The following ABCC8 variants were observed in gnomAD, a reference collection of about 807,000 sequenced individuals.
ABCC8 encodes ATP binding cassette subfamily C member 8.
In ABCC8, 137 loss-of-function variants were observed where a neutral mutation model predicts 188.0. The observed-to-expected ratio is 0.73, with a 90% CI of 0.63 to 0.84. The LOEUF (loss-of-function observed/expected upper bound fraction) is 0.84. Among genes scored for constraint, ABCC8 ranks in the 40% least tolerant of loss-of-function variants. The pLI, the probability that ABCC8 is intolerant of heterozygous loss-of-function variation, is 0.00. For synonymous variants in ABCC8, 797 were observed against 846.5 expected, an observed-to-expected ratio of 0.94 and a Z score of 1.01; for missense variants, 1,750 against 2,072.7, an observed-to-expected ratio of 0.84 and a Z score of 3.02.
At position 17,450,260 on chromosome 11, in the gene ABCC8, C is replaced by CTCTTTCTTTCTT. The variant is rs58452277; in HGVS notation, c.1177-1601_1177-1590dup. 7.4e-3 allele frequency among the ~76,000 whole-genome samples: 501 copies of CTCTTTCTTTCTT among 67,550 alleles called. 12 individuals carry two copies. The highest frequency in any genetic ancestry group is 0.035 in the East Asian group (116 of 3,342). The allele number at this position is 67,550 out of a possible 152,430, so 44.3% of individuals were successfully genotyped here. A position where few individuals can be genotyped will look rare whatever the true frequency, so the allele number is the denominator to read the frequency against. Reference sequence around the variant, plus strand: ...TTCTTTTCTTTTTCTTTCTTTCTTTCTCTTTCTTTCTTTCTTTCTTTCTTT... The same window carrying CTCTTTCTTTCTT: ...TTCTTTTCTTTTTCTTTCTTTCTTTCTCTTTCTTTCTTTCTTTCTTTCTTTCTTTCTTTCTTT... On this transcript the variant is annotated intron_variant, in intron 7 of 38. Coordinates refer to ENST00000389817, the MANE Select transcript of ABCC8 (RefSeq NM_000352.6).
rs141322087 is a variant in ABCC8 at position 17,404,552 on chromosome 11, C to T, written c.3517G>A (p.Val1173Met). ...FLVALLPLAI[V>M]CYFIQKYFRV... is the part of the protein sequence containing the mutation. ...AAGTACTTCTGGATGAAGTAGCACA[C>T]GATGGCCAGGGGCAAGAGGGCCACG... The change falls in exon 28 of 39, where the codon GTG (valine) becomes ATG (methionine). Residue 1173 changes from valine (V) to methionine (M), a missense_variant. Val to Met is a conservative substitution (Grantham distance 21). Coordinates refer to ENST00000389817, the MANE Select transcript of ABCC8 (RefSeq NM_000352.6). The surrounding 1 kb of genome is among the most constrained non-coding windows in gnomAD (Gnocchi z 4.7). 1.6e-5 allele frequency: 26 copies of T among 1,613,952 alleles called. No homozygotes were observed. Among genetic ancestry groups the T allele is most frequent in the East Asian group, 2.2e-5 (1 of 44,892 alleles).
chr11:17,435,830 A>C (rs1390082276), intron 10 of ABCC8: 1 of 1,255,344 alleles, frequency 8.0e-7, no homozygotes, highest in Admixed American at 1.7e-5. Context: ...ATGAGTGCAA[A>C]CTTAGCTGTG....
intron 26 of ABCC8, among the ~76,000 whole-genome samples, chr11:17,405,789 G>A (rs2073583): frequency 3.3e-5 from 5 of 152,114 alleles, no homozygotes; most frequent in Admixed American, 2.0e-4. Flanking sequence ...CCCATCTGAC[G>A]ACTGCCGCCT....
At position 17,460,433 on chromosome 11, in the gene ABCC8, G is replaced by A. The variant is rs767097593; in HGVS notation, c.1011+55C>T. Reference sequence around the variant, plus strand: ...CACACATTGGCCTGTTGCACTCTCAGAAACAACTGAAAACCATCTAGAGGG... The same window carrying A: ...CACACATTGGCCTGTTGCACTCTCAAAAACAACTGAAAACCATCTAGAGGG... On this transcript the variant is annotated intron_variant, in intron 6 of 38. Coordinates refer to ENST00000389817, the MANE Select transcript of ABCC8 (RefSeq NM_000352.6). The A allele has an allele frequency of 4.0e-5, 65 of 1,612,262 alleles. 1 individual carries two copies. Among genetic ancestry groups the A allele is most frequent in the Non-Finnish European group, 5.4e-5 (64 of 1,179,878 alleles).
chr11:17,412,017 G>A lies in ABCC8; in HGVS notation c.2556+649C>T, dbSNP rs4757516. 4.0e-5 allele frequency among the ~76,000 whole-genome samples: 6 copies of A among 151,066 alleles called. No homozygotes were observed. In the South Asian group the frequency reaches 1.0e-3, roughly 26 times the overall value. On this transcript the variant is annotated intron_variant, in intron 21 of 38. Coordinates refer to ENST00000389817, the MANE Select transcript of ABCC8 (RefSeq NM_000352.6). ...ACGCCATTCTCCTGCCTCAGCCTCCGGAGTAGCTGGGACTACAGGCGCCCG... is the reference window on the plus strand; with the variant it reads ...ACGCCATTCTCCTGCCTCAGCCTCCAGAGTAGCTGGGACTACAGGCGCCCG...
rs1216246724 is a variant in ABCC8 at position 17,423,146 on chromosome 11, C to T, written c.2222+3903G>A. Reference sequence around the variant, plus strand: ...GGCTGAGGCGGGCGGATCATGAGGTCAGGAGTTCGAGATTACCCTGGCCAA... The same window carrying T: ...GGCTGAGGCGGGCGGATCATGAGGTTAGGAGTTCGAGATTACCCTGGCCAA... On this transcript the variant is annotated intron_variant, in intron 16 of 38. Transcript: ENST00000389817. Among the ~76,000 whole-genome samples the T allele has an allele frequency of 2.6e-5, 4 of 151,826 alleles. No homozygotes were observed. In the South Asian group the frequency reaches 8.3e-4, roughly 32 times the overall value.
chr11:17,405,757 G>C, intron 26 of ABCC8, 194 bp from the exon 27 acceptor site: 1 of 673,916 alleles, frequency 1.5e-6, no homozygotes, highest in Non-Finnish European at 1.8e-6. Flanking sequence ...CTGGCCTTTC[G>C]TTAGCCTTTC....
chr11:17,414,787 G>T, intron 18 of ABCC8, 177 bp from the exon 19 acceptor site: 1 of 781,506 alleles, frequency 1.3e-6, no homozygotes, highest in Non-Finnish European at 1.6e-6. Context: ...AGGTTTGAGA[G>T]GTCTGGGTCT....
At chr11:17,403,063 C>G (rs375223946) in intron 28 of ABCC8, among the ~76,000 whole-genome samples, 1 of 152,346 alleles carries the variant, frequency 6.6e-6, no homozygotes, top group East Asian at 1.9e-4. Context: ...TGGAGCTGAG[C>G]TAAGGCTGGG....
intron 16 of ABCC8, among the ~76,000 whole-genome samples, chr11:17,423,420 G>A (rs1424796650): frequency 1.4e-5 from 2 of 146,750 alleles, no homozygotes; most frequent in African/African-American, 5.0e-5. Flanking sequence ...TCCTGTTGCT[G>A]TCACAGGGTC....
Position 17,461,747 on chromosome 11 carries a change from G to C in ABCC8, c.658C>G (p.Pro220Ala), listed in dbSNP as rs763577863. 2.5e-6 allele frequency: 4 copies of C among 1,614,166 alleles called. No individual in the cohort carries two copies. The highest frequency in any genetic ancestry group is 3.4e-6 in the Non-Finnish European group (4 of 1,180,034). Residue 220 changes from proline to alanine, a missense_variant, in exon 5 of 39, where the codon CCC becomes GCC. Physicochemically the swap from Pro to Ala is conservative, Grantham distance 27 (BLOSUM62 -1). Coordinates refer to ENST00000389817, the MANE Select transcript of ABCC8 (RefSeq NM_000352.6). The part of the protein sequence containing the change: ...LQDLGVRFLQ[P>A]FVNLLSKGTY... ...CCTTTGGACAGCAGATTCACGAAGGGCTGCAGGAAGCGTACCCCCAGGTCT... is the reference window on the plus strand; with the variant it reads ...CCTTTGGACAGCAGATTCACGAAGGCCTGCAGGAAGCGTACCCCCAGGTCT...
At position 17,406,715 on chromosome 11, in the gene ABCC8, A is replaced by T; in HGVS notation, c.3236T>A (p.Leu1079His). The T allele has an allele frequency of 6.2e-7, 1 of 1,614,210 alleles. No individual in the cohort carries two copies. The highest frequency in any genetic ancestry group is 8.5e-7 in the Non-Finnish European group (1 of 1,180,030). Residue 1079 changes from leucine to histidine, a missense_variant, in exon 26 of 39, where the codon CTC becomes CAC. Coordinates refer to ENST00000389817, the MANE Select transcript of ABCC8 (RefSeq NM_000352.6). ...VLCSLGIVLC[L>H]VTSVTVEWTG... is the part of the protein sequence containing the mutation. ...CCACTCCACAGTGACAGACGTGACG[A>T]GGCACAGCACAATGCCCAGGCTGCA... is the stretch of plus-strand genomic sequence containing the variant.
rs112482669 is a variant in ABCC8 at position 17,412,217 on chromosome 11, A to G, written c.2556+449T>C. On this transcript the variant is annotated intron_variant, in intron 21 of 38. Coordinates refer to ENST00000389817, the MANE Select transcript of ABCC8 (RefSeq NM_000352.6). ...TAGTTTTATCTCATGTTTGATGGCT[A>G]GTGGTTACCTGGAGTGCTGTGTTGA... is the stretch of plus-strand genomic sequence containing the variant. Among the ~76,000 whole-genome samples, 387 of 152,250 alleles carry G rather than the reference A, an allele frequency of 2.5e-3. 2 individuals carry two copies. Among genetic ancestry groups the G allele is most frequent in the African/African-American group, 8.9e-3 (369 of 41,542 alleles).
chr11:17,440,543 G>A (rs1956274414), intron 10 of ABCC8, among the ~76,000 whole-genome samples: 1 of 152,224 alleles, frequency 6.6e-6, no homozygotes, highest in Admixed American at 6.5e-5. Context: ...GAGGATAACG[G>A]GGAGAGACCA....
Position 17,402,658 on chromosome 11 carries a change from T to C in ABCC8, c.3650+3A>G. 1 of 1,614,250 alleles carries C rather than the reference T, an allele frequency of 6.2e-7. No homozygotes were observed. The highest frequency in any genetic ancestry group is 8.5e-7 in the Non-Finnish European group (1 of 1,180,050). On this transcript the variant is annotated splice_donor_region_variant and intron_variant, in intron 29 of 38. Coordinates refer to ENST00000389817, the MANE Select transcript of ABCC8 (RefSeq NM_000352.6). ...CCTACCTTGGGGGAATGTGGACTCG[T>C]ACCTGAAGGCCCGGATGGTGGTGAG...
intron 30 of ABCC8, 24 bp from the exon 31 acceptor site, chr11:17,397,821 T>C (rs1410827376): frequency 1.9e-6 from 3 of 1,612,728 alleles, no homozygotes; most frequent in East Asian, 2.2e-5. Flanking sequence ...GGAGCTGACC[T>C]GGGCGCTCAG....
At position 17,443,166 on chromosome 11, in the gene ABCC8, T is replaced by C; in HGVS notation, c.1467+12A>G. The C allele has an allele frequency of 1.2e-6, 2 of 1,614,020 alleles. No homozygotes were observed. The highest frequency in any genetic ancestry group is 2.2e-5 in the East Asian group (1 of 44,878). ...GAAGAGGGACAAAACACACACACCT[T>C]TGGGCACTCACCAGTGTGCTCCGCT... On this transcript the variant is annotated intron_variant, in intron 9 of 38. Coordinates refer to ENST00000389817, the MANE Select transcript of ABCC8 (RefSeq NM_000352.6).
At chr11:17,474,263 A>G (rs1283195769) in intron 2 of ABCC8, among the ~76,000 whole-genome samples, 1 of 152,282 alleles carries the variant, frequency 6.6e-6, no homozygotes, top group Non-Finnish European at 1.5e-5. Flanking sequence ...GTGAACACAA[A>G]GATGAACAAG....
rs150775375 is a variant in ABCC8 at position 17,467,677 on chromosome 11, G to A, written c.412+2424C>T. On this transcript the variant is annotated intron_variant, in intron 3 of 38. Coordinates refer to ENST00000389817, the MANE Select transcript of ABCC8 (RefSeq NM_000352.6). ...AAGCTGCATCACAGGTCCCCTTTCT[G>A]TGGGACTCCATACCCAGGCCAGACA... Among the ~76,000 whole-genome samples the A allele has an allele frequency of 9.2e-5, 14 of 152,288 alleles. No homozygotes were observed. The East Asian group carries it at 2.5e-3, about 27-fold the overall frequency.
Sources: allele counts gnomAD v4.1 joint callset (sites outside exome capture counted in the v4.1 genomes callset), GRCh38; gene constraint gnomAD v4.1.1; non-coding constraint Gnocchi (gnomAD v3.1); transcripts MANE v1.5; gene names NCBI Gene and HGNC (gene_info 2026-07-23, HGNC 2026-07-21).